The following WFDC1 variants were observed in gnomAD, a reference collection of about 807,000 sequenced individuals.
WFDC1 encodes the protein WAP four-disulfide core domain 1.
Under a neutral mutation model 32.9 loss-of-function variants are expected in WFDC1, and 39 were observed. The ratio of observed to expected loss-of-function variants is 1.19; its 90% CI spans 0.92 to 1.55. The LOEUF (loss-of-function observed/expected upper bound fraction) is 1.55, where lower values mean the gene tolerates loss of function less well. Among genes scored for constraint, WFDC1 ranks in the 40% most tolerant of loss-of-function variants. The probability of loss-of-function intolerance (pLI) is 0.00; values close to 1 mark genes in which losing one functional copy is unlikely to be tolerated. For missense variants in WFDC1, 386 were observed against 309.5 expected, an observed-to-expected ratio of 1.25 and a Z score of -1.85; for synonymous variants, 184 against 137.4, an observed-to-expected ratio of 1.34 and a Z score of -2.37.
rs1009988062 is a variant in WFDC1, at chr16:84,319,635, C to T, written c.562+64C>T. 65 of 1,577,036 alleles carry T rather than the reference C, an allele frequency of 4.1e-5. No individual in the cohort carries two copies. In the South Asian group the frequency reaches 6.2e-4, roughly 15 times the overall value. ...CCAGTCCCCTTCTCCCTGTAAGCGC[C>T]TCTCACCCGCATGGACGACCTGCCC... On this transcript the variant is annotated intron_variant, in intron 4 of 6. Coordinates refer to ENST00000219454, the MANE Select transcript of WFDC1 (RefSeq NM_021197.4).
chr16:84,319,176 TGTGAGA>T lies in WFDC1; in HGVS notation c.422-252_422-247del, dbSNP rs933595716. ...ATGTCTATATGGATGTTGCTGAGCCTGTGAGAGTATGTTTGGGATCAGGTGAGCTTG... is the reference window on the plus strand; with the variant it reads ...ATGTCTATATGGATGTTGCTGAGCCTGTATGTTTGGGATCAGGTGAGCTTG... On this transcript the variant is annotated intron_variant, in intron 3 of 6. Transcript: ENST00000219454. The T allele has an allele frequency of 5.6e-6, 3 of 539,896 alleles. No homozygotes were observed. The African/African-American group carries it at 5.7e-5, about 10-fold the overall frequency. 33.4% of individuals were successfully genotyped at this position (539,896 alleles called of 1,614,324 possible). A position where few individuals can be genotyped will look rare whatever the true frequency, so the allele number is the denominator to read the frequency against.
chr16:84,315,743 C>G (rs1044449685), intron 2 of WFDC1, among the ~76,000 whole-genome samples: 1 of 152,208 alleles, frequency 6.6e-6, no homozygotes, highest in Non-Finnish European at 1.5e-5. Flanking sequence ...CCTAAATGCT[C>G]TCTGGGGAAC....
intron 2 of WFDC1, among the ~76,000 whole-genome samples, chr16:84,315,361 G>T (rs1349392438): frequency 1.3e-5 from 2 of 152,242 alleles, no homozygotes; most frequent in Admixed American, 6.5e-5. Flanking sequence ...TTTGTTCATT[G>T]ACTGTTCTCT....
intron 1 of WFDC1, among the ~76,000 whole-genome samples, chr16:84,311,067 C>T (rs1210919297): frequency 6.6e-6 from 1 of 152,110 alleles, no homozygotes; most frequent in Non-Finnish European, 1.5e-5. Context: ...TGAGCACAAA[C>T]TGCTCACCAC....
At chr16:84,301,498 C>T (rs537597937) in intron 1 of WFDC1, among the ~76,000 whole-genome samples, 3 of 152,178 alleles carry the variant, frequency 2.0e-5, no homozygotes, top group Admixed American at 6.5e-5. Flanking sequence ...TCACACCCTG[C>T]GGGACTTCAT....
At chr16:84,318,476 A>C in intron 3 of WFDC1, 121 bp downstream of exon 3, 1 of 909,378 alleles carries the variant, frequency 1.1e-6, no homozygotes, top group Non-Finnish European at 1.8e-6. Flanking sequence ...TCAGCCAAAC[A>C]CTCAGCCCTC....
intron 2 of WFDC1, among the ~76,000 whole-genome samples, chr16:84,313,681 G>T (rs528309201): frequency 1.9e-3 from 287 of 152,298 alleles, no homozygotes; most frequent in African/African-American, 6.1e-3. Context: ...TCTCATGCCT[G>T]GCCCTGGGGT....
chr16:84,305,745 T>C (rs1907211708), intron 1 of WFDC1, among the ~76,000 whole-genome samples: 1 of 152,162 alleles, frequency 6.6e-6, no homozygotes, highest in Admixed American at 6.5e-5. Context: ...CTGACGCTTG[T>C]AATCCCAGCA....
intron 1 of WFDC1, among the ~76,000 whole-genome samples, chr16:84,309,658 G>C (rs962906199): frequency 6.6e-6 from 1 of 152,076 alleles, no homozygotes; most frequent in Non-Finnish European, 1.5e-5. Context: ...TTCAGCATCA[G>C]CTTCACTGGA....
chr16:84,318,555 C>A, intron 3 of WFDC1, 200 bp downstream of exon 3: 1 of 572,054 alleles, frequency 1.7e-6, no homozygotes, highest in Non-Finnish European at 3.2e-6. Context: ...AAGCCCAGTA[C>A]AGAATAAGGG....
intron 1 of WFDC1, among the ~76,000 whole-genome samples, chr16:84,309,106 C>G (rs1214270545): frequency 6.6e-6 from 1 of 152,210 alleles, no homozygotes; most frequent in Non-Finnish European, 1.5e-5. Context: ...GGTTGCCCGT[C>G]TGCTCTGCCG....
chr16:84,297,645 A>AAAATAGAAC (rs1567648478), intron 1 of WFDC1, among the ~76,000 whole-genome samples: 1 of 136,110 alleles, frequency 7.3e-6, no homozygotes, highest in African/African-American at 2.8e-5. Flanking sequence ...AAAAAAAAAA[A>AAAATAGAAC]AACTGTGCCT....
At chr16:84,297,129 G>C (rs1159664445) in intron 1 of WFDC1, 1 of 152,278 alleles carries the variant, frequency 6.6e-6, no homozygotes, top group Non-Finnish European at 1.5e-5. Flanking sequence ...GGTCAGGGTT[G>C]ATATGCGCGG....
chr16:84,301,471 C>G (rs553280471), intron 1 of WFDC1, among the ~76,000 whole-genome samples: 102 of 152,234 alleles, frequency 6.7e-4, no homozygotes, highest in Non-Finnish European at 1.4e-3. Flanking sequence ...TTTGTCTGCT[C>G]CTTGAACCAG....
intron 1 of WFDC1, among the ~76,000 whole-genome samples, chr16:84,309,796 C>A (rs146223129): frequency 6.6e-6 from 1 of 152,006 alleles, no homozygotes; most frequent in African/African-American, 2.4e-5. Context: ...CTCTGCCTCC[C>A]TCTTCACATG....
intron 1 of WFDC1, among the ~76,000 whole-genome samples, chr16:84,303,021 C>CTTTCT (rs1425443132): frequency 7.4e-6 from 1 of 135,100 alleles, no homozygotes; most frequent in Non-Finnish European, 1.6e-5. Flanking sequence ...TTCTTTCTTT[C>CTTTCT]TTTTTTTTTT....
chr16:84,296,536 A>C (rs1485366981), intron 1 of WFDC1, among the ~76,000 whole-genome samples: 1 of 152,108 alleles, frequency 6.6e-6, no homozygotes, highest in African/African-American at 2.4e-5. Flanking sequence ...GCTGGAGAAG[A>C]GGGAAGGGAG....
chr16:84,312,938 C>A, intron 1 of WFDC1, 23 bp from the exon 2 acceptor site: 1 of 1,150,230 alleles, frequency 8.7e-7, no homozygotes, highest in Non-Finnish European at 1.1e-6. Context: ...CCCAGAGCTG[C>A]TGACACCGCC....
At chr16:84,314,110 G>T (rs534959377) in intron 2 of WFDC1, among the ~76,000 whole-genome samples, 1 of 152,124 alleles carries the variant, frequency 6.6e-6, no homozygotes, top group Non-Finnish European at 1.5e-5. Flanking sequence ...CCACTCCAAA[G>T]TGCTCAGCAC....
Sources: gnomAD v4.1 joint callset for allele counts (sites outside exome capture counted in the v4.1 genomes callset) on GRCh38, gnomAD v4.1.1 for gene constraint, MANE v1.5 for transcripts, NCBI Gene and HGNC (gene_info 2026-07-23, HGNC 2026-07-21) for gene names.